The following PCDHGA10 variants were observed in gnomAD, a reference collection of about 807,000 sequenced individuals.
PCDHGA10 encodes protocadherin gamma subfamily A, 10.
A neutral mutation model predicts 59.5 loss-of-function variants in PCDHGA10; 42 were observed. The ratio of observed to expected loss-of-function variants is 0.71; its 90% CI spans 0.55 to 0.91. The LOEUF (loss-of-function observed/expected upper bound fraction) is 0.91, where lower values mean the gene tolerates loss of function less well. Ranked by LOEUF, PCDHGA10 falls within the 40% of genes least tolerant of loss-of-function variation. PCDHGA10 has a pLI of 0.00. For missense variants in PCDHGA10, 1,111 were observed against 1,198.2 expected (o/e 0.93, Z 1.07); for synonymous variants, 511 against 517.2 (o/e 0.99, Z 0.16).
intron 1 of PCDHGA10, among the ~76,000 whole-genome samples, chr5:141,450,899 A>G (rs1045595271): frequency 1.0e-4 from 15 of 149,514 alleles, no homozygotes; most frequent in African/African-American, 3.7e-4. Context: ...ATATCGGCTC[A>G]CTGCAACCGC....
intron 1 of PCDHGA10, chr5:141,424,694 T>C (rs2096834568): frequency 6.6e-6 from 1 of 152,252 alleles, no homozygotes; most frequent in East Asian, 1.9e-4. Flanking sequence ...TCTGGCTATT[T>C]TTTTGTTCAT....
rs200568923 is a variant in PCDHGA10 at position 141,413,794 on chromosome 5, G to A, written c.619G>A (p.Glu207Lys). The change falls in exon 1 of 4, where the codon GAG becomes AAG. Residue 207 changes from glutamate to lysine, a missense_variant. Glu to Lys is a moderately conservative substitution (Grantham distance 56). Coordinates refer to ENST00000398610, the MANE Select transcript of PCDHGA10 (RefSeq NM_018913.3). The stretch of plus-strand genomic sequence containing the variant: ...GGTACTGGAGCACTCCCTAGATCGC[G>A]AGGAAGAGGCCATTCACCACCTGGT... ...ELVLEHSLDR[E>K]EEAIHHLVLT... is the part of the protein sequence containing the mutation. 6.7e-5 allele frequency: 108 copies of A among 1,613,050 alleles called. No individual in the cohort carries two copies. Among genetic ancestry groups the A allele is most frequent in the Admixed American group, 8.3e-5 (5 of 59,990 alleles).
intron 1 of PCDHGA10, chr5:141,419,005 C>G: frequency 6.2e-7 from 1 of 1,613,944 alleles, no homozygotes; most frequent in Non-Finnish European, 8.5e-7. Context: ...ATGGGGAAGT[C>G]AGGTGTAGCT....
chr5:141,449,484 A>G (rs1003440539), intron 1 of PCDHGA10, among the ~76,000 whole-genome samples: 2 of 150,848 alleles, frequency 1.3e-5, no homozygotes, highest in Non-Finnish European at 3.0e-5. Context: ...CCCCATGCCT[A>G]AGGGTGAGGC....
At chr5:141,428,226 C>A (rs2154552641) in intron 1 of PCDHGA10, 1 of 1,137,180 alleles carries the variant, frequency 8.8e-7, no homozygotes, top group South Asian at 1.3e-5. Flanking sequence ...TCTTCGCAGA[C>A]AGCCTGCAGG....
At chr5:141,417,874 C>G in intron 1 of PCDHGA10, 9 of 1,555,320 alleles carry the variant, frequency 5.8e-6, no homozygotes, top group Non-Finnish European at 7.8e-6. Context: ...GAGGGAGCTG[C>G]GCGCAGAGGC....
intron 1 of PCDHGA10, among the ~76,000 whole-genome samples, chr5:141,453,974 T>C (rs1386640440): frequency 6.6e-6 from 1 of 152,242 alleles, no homozygotes; most frequent in Non-Finnish European, 1.5e-5. Flanking sequence ...CATGTAGTTG[T>C]GTTGCCTTCC....
chr5:141,421,871 C>CT, intron 1 of PCDHGA10: 1 of 1,613,756 alleles, frequency 6.2e-7, no homozygotes, highest in East Asian at 2.2e-5. Flanking sequence ...CTCCTCACAG[C>CT]TTTAGATGGA....
intron 1 of PCDHGA10, among the ~76,000 whole-genome samples, chr5:141,492,762 T>C (rs917580804): frequency 2.6e-5 from 4 of 152,206 alleles, no homozygotes; most frequent in African/African-American, 9.6e-5. Flanking sequence ...GGGCTCCGCG[T>C]TGGGCGAGTG....
intron 1 of PCDHGA10, among the ~76,000 whole-genome samples, chr5:141,425,922 A>G (rs1485934946): frequency 6.6e-6 from 1 of 152,240 alleles, no homozygotes; most frequent in Non-Finnish European, 1.5e-5. Context: ...TCACTACGAA[A>G]ACTCATAAAA....
chr5:141,421,409 C>T, intron 1 of PCDHGA10: 1 of 1,614,026 alleles, frequency 6.2e-7, no homozygotes, highest in Non-Finnish European at 8.5e-7. Context: ...CGGGAGCTGG[C>T]GAAGCGCGGA....
chr5:141,489,900 A>G lies in PCDHGA10; in HGVS notation c.2437-4907A>G, dbSNP rs963522810. The stretch of plus-strand genomic sequence containing the variant: ...TTACTGCTGTGGATGGGGGGACCCC[A>G]GCCCGCTCAGGGACCACCCTTATCT... On this transcript the variant is annotated intron_variant, in intron 1 of 3. Transcript: ENST00000398610. The surrounding 1 kb of genome is among the most constrained non-coding windows in gnomAD (Gnocchi z 4.5). The G allele has an allele frequency of 1.9e-6, 3 of 1,614,254 alleles. No homozygotes were observed. The highest frequency in any genetic ancestry group is 1.7e-5 in the Admixed American group (1 of 60,026).
intron 1 of PCDHGA10, among the ~76,000 whole-genome samples, chr5:141,463,726 A>G (rs6888081): frequency 0.29 from 44,573 of 151,836 alleles, 7,596 homozygotes; most frequent in African/African-American, 0.48. Flanking sequence ...GATTACAGGC[A>G]TGAGCCACCG....
At chr5:141,460,177 T>C (rs1021646181) in intron 1 of PCDHGA10, among the ~76,000 whole-genome samples, 13 of 152,138 alleles carry the variant, frequency 8.5e-5, no homozygotes, top group African/African-American at 3.1e-4. Context: ...TTGTGGATAT[T>C]TTATCCCAGA....
chr5:141,431,053 G>A lies in PCDHGA10; in HGVS notation c.2436+15442G>A, dbSNP rs1208370015. On this transcript the variant is annotated intron_variant, in intron 1 of 3. Coordinates refer to ENST00000398610, the MANE Select transcript of PCDHGA10 (RefSeq NM_018913.3). This position sits in a 1 kb window ranked among gnomAD's most constrained non-coding sequence, Gnocchi z 4.8. ...TAGACCGGGAGGAGCTCTGTATGGG[G>A]GCCATCAAGTGTCAATTAAATCTAG... 1 of 1,614,174 alleles carries A rather than the reference G, an allele frequency of 6.2e-7. No homozygotes were observed. Among genetic ancestry groups the A allele is most frequent in the Admixed American group, 1.7e-5 (1 of 60,030 alleles).
In PCDHGA10 at chr5:141,471,825, A is replaced by G. The variant is rs150400990; in HGVS notation, c.2437-22982A>G. Among the ~76,000 whole-genome samples, 61 of 152,344 alleles carry G rather than the reference A, an allele frequency of 4.0e-4. No individual in the cohort carries two copies. In the East Asian group the frequency reaches 0.011, roughly 27 times the overall value. ...ACATATAAAAGACTACCTATTTTAT[A>G]ATTCCTTTTTAATAAAATATTCAGA... On this transcript the variant is annotated intron_variant, in intron 1 of 3. Coordinates refer to ENST00000398610, the MANE Select transcript of PCDHGA10 (RefSeq NM_018913.3).
At chr5:141,419,109 A>T in intron 1 of PCDHGA10, 1 of 1,613,940 alleles carries the variant, frequency 6.2e-7, no homozygotes, top group Non-Finnish European at 8.5e-7. Flanking sequence ...CAGACCCCAG[A>T]GTACAACGTC....
chr5:141,415,210 C>G lies in PCDHGA10; in HGVS notation c.2035C>G (p.Leu679Val), dbSNP rs2095843973. The G allele has an allele frequency of 2.5e-6, 4 of 1,614,068 alleles. No individual in the cohort carries two copies. The highest frequency in any genetic ancestry group is 1.6e-4 in the Middle Eastern group (1 of 6,062). ...CAGCATCCCCCAAGTCCTGGCGGAC[C>G]TCGGCAGCTTCGAGTCTCCAGCTAA... is the stretch of plus-strand genomic sequence containing the variant. ...ADSIPQVLAD[L>V]GSFESPANSE... The change falls in exon 1 of 4, where the codon CTC (leucine) becomes GTC (valine). Residue 679 changes from leucine (L) to valine (V), a missense_variant. Leu to Val is a conservative substitution (Grantham distance 32, BLOSUM62 1). Coordinates refer to ENST00000398610, the MANE Select transcript of PCDHGA10 (RefSeq NM_018913.3).
chr5:141,418,576 C>T, intron 1 of PCDHGA10: 2 of 1,614,012 alleles, frequency 1.2e-6, no homozygotes, highest in South Asian at 1.1e-5. Flanking sequence ...ATGACAACCC[C>T]CCAGTGTTCA....
Sources: allele counts gnomAD v4.1 joint callset (sites outside exome capture counted in the v4.1 genomes callset), GRCh38; gene constraint gnomAD v4.1.1; non-coding constraint Gnocchi (gnomAD v3.1); transcripts MANE v1.5; gene names NCBI Gene and HGNC (gene_info 2026-07-23, HGNC 2026-07-21).